Variants in CDH23 observed in about 807,000 individuals in gnomAD.
The protein encoded by CDH23 is cadherin related 23.
A neutral mutation model predicts 317.1 loss-of-function variants in CDH23; 189 were observed. The observed-to-expected ratio is 0.60, with a 90% CI of 0.53 to 0.67. The LOEUF (loss-of-function observed/expected upper bound fraction) is 0.67, where lower values mean the gene tolerates loss of function less well. Ranked by LOEUF, CDH23 falls within the 30% of genes least tolerant of loss-of-function variation. The probability of loss-of-function intolerance (pLI) is 0.00; values close to 1 mark genes in which losing one functional copy is unlikely to be tolerated. For missense variants in CDH23, 4,401 were observed against 4,592.4 expected (o/e 0.96, Z 1.20); for synonymous variants, 1,839 against 1,876.8 (o/e 0.98, Z 0.52).
chr10:71,723,319 T>G (rs1195387849), intron 28 of CDH23, among the ~76,000 whole-genome samples: 2 of 151,940 alleles, frequency 1.3e-5, no homozygotes, highest in African/African-American at 4.8e-5. Flanking sequence ...CATGTTGGGG[T>G]CAGCTATGGT....
At chr10:71,700,510 C>T (rs1037264980) in intron 22 of CDH23, among the ~76,000 whole-genome samples, 6 of 152,248 alleles carry the variant, frequency 3.9e-5, no homozygotes, top group Admixed American at 2.6e-4. Context: ...CCTGGAGTAC[C>T]TAAGAGCCCT....
chr10:71,746,696 T>C (rs1029529144), intron 38 of CDH23, among the ~76,000 whole-genome samples: 1 of 151,810 alleles, frequency 6.6e-6, no homozygotes, highest in Non-Finnish European at 1.5e-5. Context: ...GGCAGTGGGG[T>C]GGAGAGGGAG....
intron 8 of CDH23, among the ~76,000 whole-genome samples, chr10:71,577,411 T>G (rs1292636703): frequency 1.3e-5 from 2 of 152,136 alleles, no homozygotes; most frequent in African/African-American, 4.8e-5. Context: ...ATACCTGCTT[T>G]CATGATTTAT....
intron 6 of CDH23, among the ~76,000 whole-genome samples, chr10:71,521,134 G>A (rs990340998): frequency 6.6e-6 from 1 of 151,796 alleles, no homozygotes; most frequent in Admixed American, 6.6e-5. Flanking sequence ...TAATGCCACC[G>A]AGAGATGTCA....
At chr10:71,616,618 C>A (rs1203992371) in intron 10 of CDH23, among the ~76,000 whole-genome samples, 1 of 152,222 alleles carries the variant, frequency 6.6e-6, no homozygotes, top group Non-Finnish European at 1.5e-5. Flanking sequence ...TGAAAGGTAT[C>A]TGTTCCTGTG....
At chr10:71,703,191 C>G (rs962547234) in intron 24 of CDH23, among the ~76,000 whole-genome samples, 2 of 152,184 alleles carry the variant, frequency 1.3e-5, no homozygotes, top group African/African-American at 4.8e-5. Flanking sequence ...GCTTCTTTGC[C>G]TCCTGTTCCA....
chr10:71,760,010 TACACACACAC>T (rs1274523860), intron 38 of CDH23, among the ~76,000 whole-genome samples: 3 of 96,562 alleles, frequency 3.1e-5, no homozygotes, highest in Admixed American at 1.0e-4. Context: ...TACATATATA[TACACACACAC>T]ATATATACAC....
chr10:71,508,332 A>G (rs1328592495), intron 3 of CDH23: 1 of 152,196 alleles, frequency 6.6e-6, no homozygotes, highest in Non-Finnish European at 1.5e-5. Flanking sequence ...GTGTTGAGAT[A>G]TCTGTGCTGT....
chr10:71,463,517 G>A (rs558540237), intron 3 of CDH23, among the ~76,000 whole-genome samples: 3 of 152,320 alleles, frequency 2.0e-5, no homozygotes, highest in Admixed American at 2.0e-4. Context: ...ACCTTTCTCA[G>A]GAGCCCCTCT....
rs752615081 is a variant in CDH23, at chr10:71,615,553, C to A, written c.882C>A (p.Thr294=). Residue 294 remains threonine, a synonymous_variant, in exon 10 of 70, where the codon ACC becomes ACA. Coordinates refer to ENST00000224721, the MANE Select transcript of CDH23 (RefSeq NM_022124.6). ...FALDYISGVL[T]LNGLLDRENP... is the part of the protein sequence containing the mutation. ...TGGACTACATCAGCGGAGTGCTGAC[C>A]TTGAATGGCCTGCTGGACCGGGAGA... 2 of 1,613,962 alleles carry A rather than the reference C, an allele frequency of 1.2e-6. No homozygotes were observed. Among genetic ancestry groups the A allele is most frequent in the African/African-American group, 1.3e-5 (1 of 75,028 alleles).
Position 71,805,989 on chromosome 10 carries a change from G to A in CDH23, c.8056G>A (p.Val2686Met). ...GCGCCTGGACCGCGAGTCGCAGGCG[G>A]TGTACAGCGTAAGGGCGGGGCCCGG... ...AQRLDRESQA[V>M]YSLILVASDL... The change falls in exon 56 of 70, where the codon GTG becomes ATG. Residue 2686 changes from valine to methionine, a missense_variant. Around this residue, in one of 3 missense-constraint regions of CDH23, gnomAD observed 1,144 missense variants for 1,138.2 expected, o/e 1.01. Coordinates refer to ENST00000224721, the MANE Select transcript of CDH23 (RefSeq NM_022124.6). The A allele has an allele frequency of 6.2e-7, 1 of 1,600,586 alleles. No homozygotes were observed. Among genetic ancestry groups the A allele is most frequent in the Non-Finnish European group, 8.5e-7 (1 of 1,172,910 alleles).
chr10:71,630,975 G>A (rs910621700), intron 11 of CDH23, among the ~76,000 whole-genome samples: 4 of 152,152 alleles, frequency 2.6e-5, no homozygotes, highest in African/African-American at 4.8e-5. Context: ...CCGGCATGGC[G>A]GCCCACACCT....
intron 1 of CDH23, among the ~76,000 whole-genome samples, chr10:71,420,418 G>GATGATGATGGTGATGGTA (rs1848706939): frequency 1.5e-5 from 1 of 66,452 alleles, no homozygotes; most frequent in Admixed American, 1.7e-4. Context: ...TGATGATGGT[G>GATGATGATGGTGATGGTA]ATGGTGATGA....
chr10:71,427,246 G>A (rs533136316), intron 1 of CDH23, among the ~76,000 whole-genome samples: 347 of 17,308 alleles, frequency 0.02, 16 homozygotes, highest in Middle Eastern at 0.071. Flanking sequence ...AGAAAGAAAG[G>A]GAAAGAAAGA....
chr10:71,812,331 T>C (rs1476877509), intron 66 of CDH23, 149 bp from the exon 67 acceptor site: 3 of 1,598,788 alleles, frequency 1.9e-6, no homozygotes, highest in African/African-American at 1.3e-5. Context: ...GGTGGGAGCA[T>C]GCACCACAGG....
intron 3 of CDH23, among the ~76,000 whole-genome samples, chr10:71,489,100 T>C (rs1238071637): frequency 6.6e-6 from 1 of 152,238 alleles, no homozygotes; most frequent in African/African-American, 2.4e-5. Context: ...TGGATTTCAT[T>C]TGTCTTCTTT....
chr10:71,447,718 TG>T (rs1850239968), intron 3 of CDH23, among the ~76,000 whole-genome samples: 1 of 152,290 alleles, frequency 6.6e-6, no homozygotes, highest in East Asian at 1.9e-4. Flanking sequence ...AGCCCCTTTC[TG>T]GGGGTAGAGA....
intron 60 of CDH23, among the ~76,000 whole-genome samples, chr10:71,808,822 C>T (rs1469086303): frequency 2.0e-5 from 3 of 152,198 alleles, no homozygotes; most frequent in Admixed American, 1.3e-4. Flanking sequence ...AGCATCCCCA[C>T]GGCCTGCTCT....
rs1432190819 is a variant in CDH23 at position 71,760,205 on chromosome 10, ATGTG to A, written c.4846-17471_4846-17468del. On this transcript the variant is annotated intron_variant, in intron 38 of 69. Coordinates refer to ENST00000224721, the MANE Select transcript of CDH23 (RefSeq NM_022124.6). ...TGTATATATATGTATATACATATATATGTGTGTATATATGTGTATATATATGTAT... is the reference window on the plus strand; with the variant it reads ...TGTATATATATGTATATACATATATATGTATATATGTGTATATATATGTAT... 1.5e-4 allele frequency among the ~76,000 whole-genome samples: 8 copies of A among 51,886 alleles called. 2 individuals are homozygous for A. The highest frequency in any genetic ancestry group is 1.7e-3 in the South Asian group (2 of 1,160). The allele number at this position is 51,886 out of a possible 152,430, so 34.0% of individuals were successfully genotyped here.
Sources: gnomAD v4.1 joint callset for allele counts (sites outside exome capture counted in the v4.1 genomes callset) on GRCh38, gnomAD v4.1.1 for gene constraint, gnomAD v4.1.1 regional missense constraint, MANE v1.5 for transcripts, NCBI Gene and HGNC (gene_info 2026-07-23, HGNC 2026-07-21) for gene names.